The following KATNIP variants were observed in gnomAD, a reference collection of about 807,000 sequenced individuals.
KATNIP encodes katanin-interacting protein.
KATNIP carries 126 observed loss-of-function variants against 174.0 expected under a neutral mutation model. The ratio of observed to expected loss-of-function variants is 0.72; its 90% CI spans 0.63 to 0.84. KATNIP has a LOEUF of 0.84. KATNIP is among the 40% of genes least tolerant of loss of function. The pLI, the probability that KATNIP is intolerant of heterozygous loss-of-function variation, is 0.00. For synonymous variants in KATNIP, 810 were observed against 835.7 expected, an observed-to-expected ratio of 0.97 and a Z score of 0.53; for missense variants, 1,958 against 2,109.7, an observed-to-expected ratio of 0.93 and a Z score of 1.41.
chr16:27,600,877 A>G (rs753577326), intron 2 of KATNIP, among the ~76,000 whole-genome samples: 1 of 151,774 alleles, frequency 6.6e-6, no homozygotes, highest in Non-Finnish European at 1.5e-5. Flanking sequence ...TTACAGGCAC[A>G]CACCACCACG....
intron 1 of KATNIP, among the ~76,000 whole-genome samples, chr16:27,551,074 A>G (rs1206156254): frequency 9.2e-5 from 14 of 152,248 alleles, no homozygotes. Context: ...GGCCAGAGAC[A>G]GCTTGTGGGC....
intron 6 of KATNIP, among the ~76,000 whole-genome samples, chr16:27,673,312 C>A (rs935185999): frequency 1.3e-5 from 2 of 152,210 alleles, no homozygotes; most frequent in African/African-American, 2.4e-5. Flanking sequence ...AGTTTTACAG[C>A]TGCCGAAATT....
intron 18 of KATNIP, among the ~76,000 whole-genome samples, chr16:27,759,386 A>T (rs561378982): frequency 5.6e-4 from 85 of 152,310 alleles, no homozygotes; most frequent in African/African-American, 2.0e-3. Context: ...ATGACATTGG[A>T]ACACTGACTC....
At chr16:27,656,913 T>C (rs2077311857) in intron 6 of KATNIP, among the ~76,000 whole-genome samples, 1 of 149,388 alleles carries the variant, frequency 6.7e-6, no homozygotes, top group Admixed American at 6.7e-5. Flanking sequence ...AATGTGCACA[T>C]GTACCCTAAA....
chr16:27,567,543 A>G (rs1186080195), intron 1 of KATNIP, among the ~76,000 whole-genome samples: 1 of 151,974 alleles, frequency 6.6e-6, no homozygotes, highest in Non-Finnish European at 1.5e-5. Context: ...TTGTTGTTTG[A>G]GAAGGAGTCT....
chr16:27,774,583 G>A lies in KATNIP; in HGVS notation c.4310-362G>A, dbSNP rs974650995. On this transcript the variant is annotated intron_variant, in intron 23 of 27. Coordinates refer to ENST00000261588, the MANE Select transcript of KATNIP (RefSeq NM_015202.5). ...CATGCCAGGGTAGAATCCAGCCACC[G>A]CCCCATTCCCTTCCAAAAGAAAACC... Among the ~76,000 whole-genome samples the A allele has an allele frequency of 6.6e-5, 10 of 152,068 alleles. No homozygotes were observed. The East Asian group carries it at 1.4e-3, about 21-fold the overall frequency.
At position 27,698,430 on chromosome 16, in the gene KATNIP, A is replaced by G; in HGVS notation, c.1043A>G (p.Gln348Arg). ...GCCTCTGCTGTGCTCCAAGCCATCC[A>G]GGTGGAGAACGCAGCCCTGCAGAGG... is the stretch of plus-strand genomic sequence containing the variant. ...EDASAVLQAI[Q>R]VENAALQRAL... The change falls in exon 9 of 28, where the codon CAG becomes CGG. Residue 348 changes from glutamine to arginine, a missense_variant. This residue lies in a region of KATNIP where 1,557 missense variants were observed against 1,617.8 expected (regional missense o/e 0.96). Transcript: ENST00000261588. The G allele has an allele frequency of 6.2e-7, 1 of 1,613,666 alleles. No individual in the cohort carries two copies. Among genetic ancestry groups the G allele is most frequent in the East Asian group, 2.2e-5 (1 of 44,878 alleles).
chr16:27,722,826 G>C (rs1447495996), intron 14 of KATNIP, among the ~76,000 whole-genome samples: 1 of 152,208 alleles, frequency 6.6e-6, no homozygotes, highest in Admixed American at 6.5e-5. Context: ...CCAGTGAGCT[G>C]GATATCTGAG....
At chr16:27,682,353 C>T (rs1431319000) in intron 8 of KATNIP, among the ~76,000 whole-genome samples, 1 of 152,150 alleles carries the variant, frequency 6.6e-6, no homozygotes, top group Non-Finnish European at 1.5e-5. Context: ...ATTTCACAGA[C>T]GAGGAACTGA....
intron 1 of KATNIP, among the ~76,000 whole-genome samples, chr16:27,557,430 ATT>A (rs35106167): frequency 0.028 from 3,334 of 119,410 alleles, 73 homozygotes; most frequent in East Asian, 0.12. Context: ...ACAGGTGTGG[ATT>A]TTTTTTTTTT....
chr16:27,753,708 CT>C (rs1233650115), intron 17 of KATNIP, among the ~76,000 whole-genome samples: 2 of 151,418 alleles, frequency 1.3e-5, no homozygotes, highest in African/African-American at 4.9e-5. Flanking sequence ...AATTCTTCCA[CT>C]TCCCCTTCCT....
chr16:27,645,681 C>G (rs1322957164), intron 5 of KATNIP, among the ~76,000 whole-genome samples: 1 of 152,212 alleles, frequency 6.6e-6, no homozygotes, highest in Non-Finnish European at 1.5e-5. Context: ...TGGTGTGTGG[C>G]TTTCTTCCTC....
chr16:27,657,172 G>C (rs2142429122), intron 6 of KATNIP, among the ~76,000 whole-genome samples: 1 of 152,174 alleles, frequency 6.6e-6, no homozygotes, highest in East Asian at 1.9e-4. Flanking sequence ...GAAGTGTGCA[G>C]GCATGAGGGG....
At chr16:27,609,064 C>T (rs1029420271) in intron 2 of KATNIP, among the ~76,000 whole-genome samples, 2 of 152,102 alleles carry the variant, frequency 1.3e-5, no homozygotes, top group East Asian at 3.9e-4. Context: ...GAATGCCCTT[C>T]CCTTTTCTTG....
chr16:27,752,974 A>G lies in KATNIP; in HGVS notation c.3552+1050A>G, dbSNP rs2081574492. Among the ~76,000 whole-genome samples, 4 of 152,194 alleles carry G rather than the reference A, an allele frequency of 2.6e-5. No homozygotes were observed. In the South Asian group the frequency reaches 8.3e-4, roughly 32 times the overall value. ...AGAAATGGGGACAACACAAGCCACA[A>G]GGGATGGGGCTGGGCTGTGGGAAGG... On this transcript the variant is annotated intron_variant, in intron 17 of 27. Transcript: ENST00000261588.
chr16:27,592,436 G>T (rs1379301370), intron 2 of KATNIP, among the ~76,000 whole-genome samples: 1 of 151,462 alleles, frequency 6.6e-6, no homozygotes, highest in Admixed American at 6.6e-5. Context: ...AGCATGCATG[G>T]TAAAGCCCTG....
intron 2 of KATNIP, among the ~76,000 whole-genome samples, chr16:27,597,770 A>G (rs181650777): frequency 1.5e-4 from 23 of 152,156 alleles, no homozygotes; most frequent in Admixed American, 9.8e-4. Flanking sequence ...TTGCTTCCCA[A>G]AGTGCCTCTG....
chr16:27,711,177 G>A (rs902035957), intron 13 of KATNIP, among the ~76,000 whole-genome samples: 14 of 152,176 alleles, frequency 9.2e-5, no homozygotes, highest in Admixed American at 9.2e-4. Flanking sequence ...GGGGTTTTAG[G>A]GAGCATCCTG....
intron 6 of KATNIP, among the ~76,000 whole-genome samples, chr16:27,653,298 T>C (rs1341966926): frequency 1.3e-5 from 2 of 152,186 alleles, no homozygotes; most frequent in East Asian, 1.9e-4. Flanking sequence ...GTTCTTTCCA[T>C]TGGGTGGATG....
Sources: allele counts gnomAD v4.1 joint callset (sites outside exome capture counted in the v4.1 genomes callset), GRCh38; gene constraint gnomAD v4.1.1; regional missense constraint gnomAD v4.1.1; transcripts MANE v1.5; gene names NCBI Gene and HGNC (gene_info 2026-07-23, HGNC 2026-07-21).